The following ZXDC variants were observed in gnomAD, a reference collection of about 807,000 sequenced individuals.
ZXDC encodes the protein ZXD family zinc finger C.
A neutral mutation model predicts 63.6 loss-of-function variants in ZXDC; 58 were observed. The ratio of observed to expected loss-of-function variants is 0.91; its 90% CI spans 0.74 to 1.13. ZXDC has a LOEUF of 1.13. Among genes scored for constraint, ZXDC ranks in the 50% most tolerant of loss-of-function variants. The pLI is 0.00. For missense variants in ZXDC, 1,133 were observed against 1,148.9 expected, an observed-to-expected ratio of 0.99 and a Z score of 0.20; for synonymous variants, 561 against 496.1, an observed-to-expected ratio of 1.13 and a Z score of -1.74.
At chr3:126,454,267 AC>A (rs1397628254) in intron 7 of ZXDC, 4 of 984,668 alleles carry the variant, frequency 4.1e-6, no homozygotes, top group Non-Finnish European at 4.8e-6. Context: ...TAGTTTCTAT[AC>A]ATTCAATTAT....
Position 126,475,409 on chromosome 3 carries a change from G to T in ZXDC, c.457C>A (p.Pro153Thr). The T allele has an allele frequency of 8.4e-7, 1 of 1,187,578 alleles. No homozygotes were observed. 73.6% of individuals were successfully genotyped at this position (1,187,578 alleles called of 1,614,324 possible). Reference sequence around the variant, plus strand: ...GGAGCGGCGGCGCCCGCGGTTGCGGGGCCGGGCGGCGCAGACAGCGCGAGG... The same window carrying T: ...GGAGCGGCGGCGCCCGCGGTTGCGGTGCCGGGCGGCGCAGACAGCGCGAGG... ...GVLALSAPPG[P>T]ATAGAAAPRR... The change falls in exon 1 of 10, where the codon CCC becomes ACC. Residue 153 changes from proline (P) to threonine (T), a missense_variant. Coordinates refer to ENST00000389709, the MANE Select transcript of ZXDC (RefSeq NM_025112.5).
rs1933661763 is a variant in ZXDC at position 126,441,205 on chromosome 3, TCTGTGG to T, written c.2394+554_2394+559del. 13 of 985,762 alleles carry T rather than the reference TCTGTGG, an allele frequency of 1.3e-5. No individual in the cohort carries two copies. The South Asian group carries it at 5.2e-4, about 39-fold the overall frequency. 61.1% of individuals were successfully genotyped at this position (985,762 alleles called of 1,614,324 possible). A position where few individuals can be genotyped will look rare whatever the true frequency, so the allele number is the denominator to read the frequency against. On this transcript the variant is annotated intron_variant, in intron 8 of 9. Coordinates refer to ENST00000389709, the MANE Select transcript of ZXDC (RefSeq NM_025112.5). ...TGGAAACTGGCCACAGCTGCAGGTA[TCTGTGG>T]CCCGGACAGGCTGGGAGGGGCCTGG...
rs765277438 is a variant in ZXDC at position 126,475,603 on chromosome 3, G to A, written c.263C>T (p.Ala88Val). The A allele has an allele frequency of 3.5e-5, 51 of 1,470,032 alleles. No individual in the cohort carries two copies. The highest frequency in any genetic ancestry group is 4.1e-5 in the Non-Finnish European group (45 of 1,108,858). 91.1% of individuals were successfully genotyped at this position (1,470,032 alleles called of 1,614,324 possible). A position where few individuals can be genotyped will look rare whatever the true frequency, so the allele number is the denominator to read the frequency against. ...GGCCTCCTGTGATCCGGCAGCCTCG[G>A]CGGCAGCGCCGCCGTGCGGCACTTC... ...LLEVPHGGAA[A>V]EAAGSQEAEP... The change falls in exon 1 of 10, where the codon GCC (alanine) becomes GTC (valine). Residue 88 changes from alanine (A) to valine (V), a missense_variant. Ala to Val is a moderately conservative substitution (Grantham distance 64). Coordinates refer to ENST00000389709, the MANE Select transcript of ZXDC (RefSeq NM_025112.5).
intron 7 of ZXDC, among the ~76,000 whole-genome samples, chr3:126,455,922 C>G (rs1445617266): frequency 6.6e-6 from 1 of 151,896 alleles, no homozygotes; most frequent in Non-Finnish European, 1.5e-5. Flanking sequence ...ATGGCGTGAA[C>G]CTGGGAGGCG....
In ZXDC at chr3:126,475,622, G is replaced by C; in HGVS notation, c.244C>G (p.Pro82Ala). 6.8e-7 allele frequency: 1 copy of C among 1,475,638 alleles called. No individual in the cohort carries two copies. The highest frequency in any genetic ancestry group is 9.0e-7 in the Non-Finnish European group (1 of 1,112,184). The allele number at this position is 1,475,638 out of a possible 1,614,324, so 91.4% of individuals were successfully genotyped here. The change falls in exon 1 of 10, where the codon CCG becomes GCG. Residue 82 changes from proline (P) to alanine (A), a missense_variant. Transcript: ENST00000389709. ...GDSFLVLLEV[P>A]HGGAAAEAAG... ...GCCTCGGCGGCAGCGCCGCCGTGCG[G>C]CACTTCCAGCAGCACCAAGAAAGAG...
At chr3:126,441,005 G>A in intron 8 of ZXDC, 2 of 985,566 alleles carry the variant, frequency 2.0e-6, no homozygotes, top group Non-Finnish European at 2.4e-6. Context: ...TCTACAAAGT[G>A]GAGTGGTGAA....
rs1008799151 is a variant in ZXDC at position 126,460,227 on chromosome 3, G to A, written c.2128-490C>T. ...AGTCTTACACAAAAATAATAATGAT[G>A]GTACTGAATTCAGGAACTTGCCTGA... On this transcript the variant is annotated intron_variant, in intron 6 of 9. Transcript: ENST00000389709. The A allele has an allele frequency of 9.5e-6, 8 of 844,716 alleles. No individual in the cohort carries two copies. In the South Asian group the frequency reaches 2.2e-4, roughly 23 times the overall value. 52.3% of individuals were successfully genotyped at this position (844,716 alleles called of 1,614,324 possible).
At chr3:126,466,122 C>T in intron 5 of ZXDC, 33 bp downstream of exon 5, 1 of 1,588,702 alleles carries the variant, frequency 6.3e-7, no homozygotes, top group Non-Finnish European at 8.6e-7. Flanking sequence ...CACAGGGAAG[C>T]AGCTCCCCAT....
intron 7 of ZXDC, among the ~76,000 whole-genome samples, chr3:126,457,098 G>C (rs1934337904): frequency 6.6e-6 from 1 of 152,232 alleles, no homozygotes; most frequent in Admixed American, 6.5e-5. Flanking sequence ...GAGGAGACGG[G>C]GAGGGGTGAC....
At position 126,462,057 on chromosome 3, in the gene ZXDC, G is replaced by A. The variant is rs748927004; in HGVS notation, c.1605C>T (p.Ser535=). The part of the protein sequence containing the change: ...SAGGSDEALN[S]GILTIDVTSV... ...AAGTGACGTCAATAGTCAGGATTCC[G>A]GAGTTCAGAGCCTCATCCGACCCAC... The change falls in exon 6 of 10, where the codon TCC becomes TCT. Residue 535 remains serine (S), a synonymous_variant. Transcript: ENST00000389709. 18 of 1,613,992 alleles carry A rather than the reference G, an allele frequency of 1.1e-5. No individual in the cohort carries two copies. Among genetic ancestry groups the A allele is most frequent in the Admixed American group, 8.3e-5 (5 of 59,998 alleles).
Position 126,461,885 on chromosome 3 carries a change from G to A in ZXDC, c.1777C>T (p.Gln593Ter), listed in dbSNP as rs777903098. Residue 593 changes from glutamine to a stop codon, truncating the protein, a stop_gained, in exon 6 of 10, where the codon CAG becomes TAG. Transcript: ENST00000389709. LOFTEE classifies it high-confidence loss of function. ...ACGTCATCCACACTGAAGCTGCCCTGCTGCAGAACCGTGGCTGCTGTCCCG... is the reference window on the plus strand; with the variant it reads ...ACGTCATCCACACTGAAGCTGCCCTACTGCAGAACCGTGGCTGCTGTCCCG... ...VLGTAATVLQ[Q>*]GSFSVDDVQT... 2 of 1,614,232 alleles carry A rather than the reference G, an allele frequency of 1.2e-6. No homozygotes were observed. Among genetic ancestry groups the A allele is most frequent in the Admixed American group, 1.7e-5 (1 of 60,030 alleles).
Position 126,441,898 on chromosome 3 carries a change from G to C in ZXDC, c.2261C>G (p.Pro754Arg). 1 of 1,612,440 alleles carries C rather than the reference G, an allele frequency of 6.2e-7. No individual in the cohort carries two copies. The highest frequency in any genetic ancestry group is 8.5e-7 in the Non-Finnish European group (1 of 1,179,350). ...QRKIKEGKMS[P>R]PHFHASQNSW... ...GTTCTGGCTTGCATGGAAATGGGGA[G>C]GACTCATTTTGCCTTCTTTTATTTT... is the stretch of plus-strand genomic sequence containing the variant. Residue 754 changes from proline to arginine, a missense_variant, in exon 8 of 10, where the codon CCT becomes CGT. Pro to Arg is a moderately radical substitution (Grantham distance 103). Coordinates refer to ENST00000389709, the MANE Select transcript of ZXDC (RefSeq NM_025112.5).
At chr3:126,439,504 C>G in intron 9 of ZXDC, 128 bp downstream of exon 9, 1 of 1,495,008 alleles carries the variant, frequency 6.7e-7, no homozygotes, top group Non-Finnish European at 9.0e-7. Flanking sequence ...ATCCTGGCAA[C>G]CAACCCACTG....
chr3:126,450,413 T>C, intron 7 of ZXDC: 1 of 456,726 alleles, frequency 2.2e-6, no homozygotes, highest in Non-Finnish European at 4.4e-6. Context: ...AGAGGCCACA[T>C]CTGCCCCAGG....
Position 126,443,932 on chromosome 3 carries a change from C to T in ZXDC, c.2213-1986G>A, listed in dbSNP as rs1933777217. Among the ~76,000 whole-genome samples the T allele has an allele frequency of 1.3e-5, 2 of 152,170 alleles. 1 individual carries two copies. The highest frequency in any genetic ancestry group is 4.1e-4 in the South Asian group (2 of 4,824). ...AAAATGCTTTTCAAGAGGAGTGGGA[C>T]TGACTGGTGGTTTTCTTCCCCAGTT... On this transcript the variant is annotated intron_variant, in intron 7 of 9. Coordinates refer to ENST00000389709, the MANE Select transcript of ZXDC (RefSeq NM_025112.5).
chr3:126,464,281 C>T (rs1934665787), intron 5 of ZXDC, among the ~76,000 whole-genome samples: 1 of 152,162 alleles, frequency 6.6e-6, no homozygotes, highest in African/African-American at 2.4e-5. Context: ...TCATGATCAC[C>T]ACAGTTCAAA....
At chr3:126,439,956 C>G in intron 8 of ZXDC, 1 of 1,394,974 alleles carries the variant, frequency 7.2e-7, no homozygotes, top group Admixed American at 3.3e-5. Flanking sequence ...TTTTGCTGGG[C>G]CTGGAACCTT....
At chr3:126,453,593 C>A in intron 7 of ZXDC, 2 of 985,482 alleles carry the variant, frequency 2.0e-6, no homozygotes, top group Non-Finnish European at 2.4e-6. Flanking sequence ...TACCATTTCA[C>A]AAAGGAGAAA....
chr3:126,446,359 C>T (rs560727493), intron 7 of ZXDC, among the ~76,000 whole-genome samples: 1 of 152,308 alleles, frequency 6.6e-6, no homozygotes, highest in East Asian at 1.9e-4. Context: ...CTATGTGACT[C>T]AGCTCCCATC....
Sources: gnomAD v4.1 joint callset for allele counts (sites outside exome capture counted in the v4.1 genomes callset) on GRCh38, gnomAD v4.1.1 for gene constraint, MANE v1.5 for transcripts, NCBI Gene and HGNC (gene_info 2026-07-23, HGNC 2026-07-21) for gene names.